Variants in EYS observed in about 807,000 individuals in gnomAD.
EYS encodes the protein protein eyes shut homolog.
A neutral mutation model predicts 282.1 loss-of-function variants in EYS; 250 were observed. The ratio of observed to expected loss-of-function variants is 0.89; its 90% CI spans 0.80 to 0.98. EYS has a LOEUF of 0.98. EYS is among the 50% of genes least tolerant of loss of function. EYS has a pLI of 0.00. For synonymous variants in EYS, 1,355 were observed against 1,282.9 expected (o/e 1.06, Z -1.20); for missense variants, 4,016 against 3,709.0 (o/e 1.08, Z -2.15).
intron 26 of EYS, among the ~76,000 whole-genome samples, chr6:64,546,149 G>C (rs1039274634): frequency 6.6e-6 from 1 of 152,148 alleles, no homozygotes; most frequent in Non-Finnish European, 1.5e-5. Flanking sequence ...AACCAAAACA[G>C]CATGGTACTG....
At chr6:64,974,539 G>A (rs1770410511) in intron 14 of EYS, among the ~76,000 whole-genome samples, 1 of 151,840 alleles carries the variant, frequency 6.6e-6, no homozygotes, top group Non-Finnish European at 1.5e-5. Flanking sequence ...GAGTGACTCT[G>A]CTCCAAAGTT....
At chr6:65,316,914 A>C (rs1034789645) in intron 11 of EYS, among the ~76,000 whole-genome samples, 1 of 152,160 alleles carries the variant, frequency 6.6e-6, no homozygotes, top group Non-Finnish European at 1.5e-5. Flanking sequence ...AGTCTTTGCT[A>C]TTGTGAACAG....
chr6:65,556,140 G>A (rs1024113461), intron 2 of EYS, among the ~76,000 whole-genome samples: 3 of 151,876 alleles, frequency 2.0e-5, no homozygotes, highest in African/African-American at 4.8e-5. Context: ...ACTGTTTTAG[G>A]GGGTCATTTT....
At chr6:63,780,581 T>G (rs1042117205) in intron 39 of EYS, among the ~76,000 whole-genome samples, 2 of 152,174 alleles carry the variant, frequency 1.3e-5, no homozygotes, top group African/African-American at 2.4e-5. Flanking sequence ...CTTTGCCCAG[T>G]TTTTGATAGG....
At chr6:65,256,192 G>T (rs1413203656) in intron 12 of EYS, among the ~76,000 whole-genome samples, 2 of 151,160 alleles carry the variant, frequency 1.3e-5, no homozygotes, top group Non-Finnish European at 3.0e-5. Context: ...TCCTATCATT[G>T]GCAACAACAT....
At chr6:64,922,756 G>A (rs1768389402) in intron 15 of EYS, among the ~76,000 whole-genome samples, 1 of 152,020 alleles carries the variant, frequency 6.6e-6, no homozygotes, top group African/African-American at 2.4e-5. Context: ...AGCTTCTAGG[G>A]TGTCCTGGCA....
chr6:63,805,840 T>A (rs983246083), intron 37 of EYS, among the ~76,000 whole-genome samples: 9 of 152,220 alleles, frequency 5.9e-5, no homozygotes, highest in Non-Finnish European at 8.8e-5. Context: ...CTCTGCTTCC[T>A]CTTCCCCTTC....
chr6:63,896,857 G>A lies in EYS; in HGVS notation c.7056-32499C>T, dbSNP rs182538589. ...CTTTCATTTAGTAATATGTATTTACGGTTCCTCTATTTTTTTCACGTCTCA... is the reference window on the plus strand; with the variant it reads ...CTTTCATTTAGTAATATGTATTTACAGTTCCTCTATTTTTTTCACGTCTCA... On this transcript the variant is annotated intron_variant, in intron 35 of 42. Transcript: ENST00000503581. Among the ~76,000 whole-genome samples the A allele has an allele frequency of 5.3e-5, 8 of 151,892 alleles. No individual in the cohort carries two copies. The East Asian group carries it at 1.2e-3, about 22-fold the overall frequency.
rs1771500668 is a variant in EYS at position 65,002,627 on chromosome 6, TAA to T, written c.2138-4926_2138-4925del. 2.7e-5 allele frequency among the ~76,000 whole-genome samples: 4 copies of T among 147,756 alleles called. 1 individual carries two copies. In the South Asian group the frequency reaches 8.8e-4, roughly 32 times the overall value. ...TGAGTTAAATCCTACTGTTTCTAAA[TAA>T]AAAGACAATAACATAACTTTCTATT... On this transcript the variant is annotated intron_variant, in intron 13 of 42. Transcript: ENST00000503581.
At chr6:64,709,488 TTTAA>T (rs1187059519) in intron 22 of EYS, among the ~76,000 whole-genome samples, 1 of 152,182 alleles carries the variant, frequency 6.6e-6, no homozygotes, top group African/African-American at 2.4e-5. Flanking sequence ...TTTTAAATAT[TTTAA>T]TTATTTATAT....
At chr6:64,974,005 A>T (rs564987739) in intron 14 of EYS, among the ~76,000 whole-genome samples, 1 of 152,080 alleles carries the variant, frequency 6.6e-6, no homozygotes, top group South Asian at 2.1e-4. Flanking sequence ...TCATTGAGAA[A>T]GAGAATATAC....
intron 5 of EYS, among the ~76,000 whole-genome samples, chr6:65,437,622 T>C (rs116027143): frequency 0.013 from 1,981 of 152,308 alleles, 36 homozygotes; most frequent in South Asian, 0.04. Context: ...GTACTTCATG[T>C]ATGCTTCTTT....
intron 28 of EYS, among the ~76,000 whole-genome samples, chr6:64,426,213 T>C (rs1295625887): frequency 2.6e-5 from 4 of 152,242 alleles, no homozygotes; most frequent in Non-Finnish European, 4.4e-5. Flanking sequence ...GAAGGTCGTA[T>C]AGAGTGACCA....
intron 41 of EYS, among the ~76,000 whole-genome samples, chr6:63,740,324 T>C (rs911440787): frequency 1.3e-5 from 2 of 152,156 alleles, no homozygotes; most frequent in African/African-American, 2.4e-5. Flanking sequence ...CTGCAGAAGC[T>C]CTCTTCTCTT....
chr6:64,294,403 G>T (rs1768828412), intron 30 of EYS, among the ~76,000 whole-genome samples: 1 of 152,206 alleles, frequency 6.6e-6, no homozygotes, highest in South Asian at 2.1e-4. Context: ...TTTATAATTT[G>T]TGGTGATAGT....
At chr6:64,341,247 T>G (rs963918511) in intron 29 of EYS, among the ~76,000 whole-genome samples, 4 of 151,680 alleles carry the variant, frequency 2.6e-5, no homozygotes, top group Non-Finnish European at 5.9e-5. Flanking sequence ...AAAGACACAT[T>G]GAATCATATG....
At chr6:64,525,992 A>C (rs1371937391) in intron 26 of EYS, among the ~76,000 whole-genome samples, 1 of 151,864 alleles carries the variant, frequency 6.6e-6, no homozygotes, top group East Asian at 1.9e-4. Flanking sequence ...TCTGTAGACT[A>C]TTACTCAACA....
intron 15 of EYS, among the ~76,000 whole-genome samples, chr6:64,935,696 T>C (rs1395454713): frequency 6.6e-6 from 1 of 151,512 alleles, no homozygotes. Context: ...CGCTAACCAA[T>C]TATAAAGGCT....
At chr6:63,829,509 TG>T (rs1398421601) in intron 36 of EYS, among the ~76,000 whole-genome samples, 1 of 152,078 alleles carries the variant, frequency 6.6e-6, no homozygotes, top group African/African-American at 2.4e-5. Context: ...GCAGCGAGGC[TG>T]GGGGAGGGGC....
Sources: gnomAD v4.1 joint callset for allele counts (sites outside exome capture counted in the v4.1 genomes callset) on GRCh38, gnomAD v4.1.1 for gene constraint, MANE v1.5 for transcripts, NCBI Gene and HGNC (gene_info 2026-07-23, HGNC 2026-07-21) for gene names.